DLG2: variants seen among roughly 807,000 people sequenced by gnomAD.
DLG2 encodes discs large MAGUK scaffold protein 2.
In DLG2, 45 loss-of-function variants were observed where a neutral mutation model predicts 132.5. The observed-to-expected ratio is 0.34, with a 90% confidence interval of 0.27 to 0.44. DLG2 has a LOEUF of 0.44. Ranked by LOEUF, DLG2 falls within the 20% of genes least tolerant of loss-of-function variation. The probability of loss-of-function intolerance (pLI) is 1.00; values close to 1 mark genes in which losing one functional copy is unlikely to be tolerated. For missense variants in DLG2, 1,045 were observed against 1,196.9 expected (o/e 0.87, Z 1.87); for synonymous variants, 424 against 419.6 (o/e 1.01, Z -0.13).
At chr11:84,540,359 AAC>A (rs1357689060) in intron 6 of DLG2, among the ~76,000 whole-genome samples, 17 of 150,064 alleles carry the variant, frequency 1.1e-4, no homozygotes, top group African/African-American at 4.2e-4. Flanking sequence ...AAAAAAAAAA[AAC>A]CCCATCAAAA....
chr11:85,350,266 T>C (rs577160039), intron 3 of DLG2, among the ~76,000 whole-genome samples: 7 of 152,360 alleles, frequency 4.6e-5, no homozygotes, highest in Non-Finnish European at 1.0e-4. Context: ...GTTGTTTTTT[T>C]CTTGTAAATT....
intron 8 of DLG2, among the ~76,000 whole-genome samples, chr11:84,218,181 A>C (rs752439340): frequency 6.6e-6 from 1 of 151,282 alleles, no homozygotes; most frequent in Non-Finnish European, 1.5e-5. Context: ...AGAGAGAAAG[A>C]AAAAGAAACA....
At position 84,068,964 on chromosome 11, in the gene DLG2, C is replaced by A. The variant is rs116198186; in HGVS notation, c.750-9480G>T. Among the ~76,000 whole-genome samples the A allele has an allele frequency of 8.3e-3, 1,260 of 152,206 alleles. 11 individuals are homozygous for A. The highest frequency in any genetic ancestry group is 0.029 in the African/African-American group (1,200 of 41,536). On this transcript the variant is annotated intron_variant, in intron 10 of 27. Coordinates refer to ENST00000376104, the MANE Select transcript of DLG2 (RefSeq NM_001142699.3). The stretch of plus-strand genomic sequence containing the variant: ...CTCTGGTTTGTTAAAAATGATTTTG[C>A]GACTTACTTAAGGACCCACTGTCAG...
chr11:85,341,228 C>G (rs571826294), intron 3 of DLG2, among the ~76,000 whole-genome samples: 2 of 152,264 alleles, frequency 1.3e-5, no homozygotes, highest in African/African-American at 4.8e-5. Context: ...ATGCCATTCT[C>G]CTGCCTCAGC....
At chr11:84,104,879 C>T (rs1315028867) in intron 9 of DLG2, among the ~76,000 whole-genome samples, 3 of 152,038 alleles carry the variant, frequency 2.0e-5, no homozygotes, top group Non-Finnish European at 2.9e-5. Context: ...ATCTATGTTT[C>T]TTACAATTTC....
chr11:85,603,889 C>T (rs2080339580), intron 2 of DLG2, among the ~76,000 whole-genome samples: 1 of 152,170 alleles, frequency 6.6e-6, no homozygotes. Flanking sequence ...TGCACTCCAG[C>T]CTGGGCTACA....
chr11:85,186,530 G>A (rs74443493), intron 4 of DLG2, among the ~76,000 whole-genome samples: 3,014 of 152,102 alleles, frequency 0.02, 58 homozygotes, highest in Admixed American at 0.037. Context: ...ACATAGAAAT[G>A]GAGAATTTTA....
At chr11:85,382,156 C>T (rs2085945667) in intron 3 of DLG2, among the ~76,000 whole-genome samples, 1 of 152,106 alleles carries the variant, frequency 6.6e-6, no homozygotes. Flanking sequence ...CAGCATGGTA[C>T]TGACATAATA....
chr11:84,763,242 A>G (rs1206362726), intron 6 of DLG2: 1 of 152,198 alleles, frequency 6.6e-6, no homozygotes, highest in Non-Finnish European at 1.5e-5. Flanking sequence ...TTACATGACT[A>G]GAGCCTTCTC....
At chr11:83,833,510 T>C (rs1431283198) in intron 17 of DLG2, 104 bp downstream of exon 17, 1 of 1,275,252 alleles carries the variant, frequency 7.8e-7, no homozygotes, top group African/African-American at 1.5e-5. Flanking sequence ...CTCATCCACT[T>C]TCCTTTGTAA....
chr11:84,208,530 G>C (rs1329876923), intron 8 of DLG2, among the ~76,000 whole-genome samples: 1 of 151,922 alleles, frequency 6.6e-6, no homozygotes, highest in Non-Finnish European at 1.5e-5. Flanking sequence ...TTTTACTAGA[G>C]ACAGAGTTTC....
intron 6 of DLG2, among the ~76,000 whole-genome samples, chr11:84,843,127 TAA>T (rs1208703021): frequency 6.6e-6 from 1 of 151,996 alleles, no homozygotes; most frequent in Non-Finnish European, 1.5e-5. Flanking sequence ...GATACATCTT[TAA>T]AAGAGGGATA....
intron 6 of DLG2, chr11:84,763,260 G>A (rs1473640351): frequency 2.0e-5 from 3 of 152,178 alleles, no homozygotes; most frequent in African/African-American, 7.2e-5. Flanking sequence ...CTCAAGGGCA[G>A]TGATGGTTTC....
intron 3 of DLG2, among the ~76,000 whole-genome samples, chr11:85,397,252 A>T (rs1024359453): frequency 6.6e-6 from 1 of 152,196 alleles, no homozygotes; most frequent in Admixed American, 6.6e-5. Flanking sequence ...ACCACCAGGC[A>T]TGCCTTATAA....
chr11:84,435,856 T>C (rs1259719266), intron 7 of DLG2, among the ~76,000 whole-genome samples: 3 of 152,140 alleles, frequency 2.0e-5, no homozygotes, highest in African/African-American at 7.2e-5. Flanking sequence ...TTCTGGGAGA[T>C]TCAACTTTCT....
intron 6 of DLG2, among the ~76,000 whole-genome samples, chr11:84,797,182 T>G (rs1313118964): frequency 6.6e-6 from 1 of 152,152 alleles, no homozygotes; most frequent in Admixed American, 6.5e-5. Flanking sequence ...TTTGGTAGTT[T>G]AATTTTTAAA....
rs192730847 is a variant in DLG2, at chr11:84,741,842, C to A, written c.358-207111G>T. Among the ~76,000 whole-genome samples, 173 of 151,630 alleles carry A rather than the reference C, an allele frequency of 1.1e-3. 1 individual carries two copies. Among genetic ancestry groups the A allele is most frequent in the African/African-American group, 4.1e-3 (169 of 41,298 alleles). The stretch of plus-strand genomic sequence containing the variant: ...ATAAGGAAGTATATAAAATGAAGTA[C>A]CAGAAAAGGAATAAAAAATAATTAT... On this transcript the variant is annotated intron_variant, in intron 6 of 27. Coordinates refer to ENST00000376104, the MANE Select transcript of DLG2 (RefSeq NM_001142699.3).
At chr11:83,917,502 T>C (rs1317030122) in intron 15 of DLG2, among the ~76,000 whole-genome samples, 2 of 152,180 alleles carry the variant, frequency 1.3e-5, no homozygotes, top group Non-Finnish European at 2.9e-5. Context: ...TTATAGTACA[T>C]AATAGATGGG....
chr11:83,607,862 C>T (rs1443719903), intron 19 of DLG2, among the ~76,000 whole-genome samples: 2 of 152,200 alleles, frequency 1.3e-5, no homozygotes, highest in African/African-American at 4.8e-5. Flanking sequence ...GGAAGCCAGA[C>T]ATGAAAGAAC....
Sources: gnomAD v4.1 joint callset for allele counts (sites outside exome capture counted in the v4.1 genomes callset) on GRCh38, gnomAD v4.1.1 for gene constraint, MANE v1.5 for transcripts, NCBI Gene and HGNC (gene_info 2026-07-23, HGNC 2026-07-21) for gene names.